Variants in HMBOX1 observed in about 807,000 individuals in gnomAD.
HMBOX1 encodes the protein homeobox containing 1, also known as homeobox-containing protein 1.
A neutral mutation model predicts 54.5 loss-of-function variants in HMBOX1; 14 were observed. The observed-to-expected ratio is 0.26, with a 90% CI of 0.17 to 0.40. The LOEUF (loss-of-function observed/expected upper bound fraction) is 0.40. HMBOX1 is among the 10% of genes least tolerant of loss of function. The pLI, the probability that HMBOX1 is intolerant of heterozygous loss-of-function variation, is 1.00. For missense variants in HMBOX1, 332 were observed against 514.4 expected (o/e 0.65, Z 3.43); for synonymous variants, 160 against 181.0 (o/e 0.88, Z 0.93).
chr8:28,948,132 G>A (rs2137471), intron 1 of HMBOX1, among the ~76,000 whole-genome samples: 97,392 of 152,020 alleles, frequency 0.64, 31,391 homozygotes, highest in East Asian at 0.75. Context: ...TATTTTCTCA[G>A]TAAGACTTTC....
chr8:28,956,202 A>G (rs1824404234), intron 1 of HMBOX1, among the ~76,000 whole-genome samples: 3 of 152,114 alleles, frequency 2.0e-5, no homozygotes, highest in Admixed American at 1.3e-4. Flanking sequence ...GTGATATCTC[A>G]TTGTTAAACT....
intron 3 of HMBOX1, among the ~76,000 whole-genome samples, chr8:28,978,836 C>A (rs1828877484): frequency 1.4e-5 from 2 of 142,922 alleles, no homozygotes; most frequent in African/African-American, 5.2e-5. Context: ...ATATACAAGA[C>A]AGAAAACAAA....
At chr8:28,941,469 TC>T (rs1821408567) in intron 1 of HMBOX1, among the ~76,000 whole-genome samples, 1 of 152,248 alleles carries the variant, frequency 6.6e-6, no homozygotes, top group South Asian at 2.1e-4. Context: ...TTCTAATTTT[TC>T]TTCTTTTTAA....
Position 28,970,241 on chromosome 8 carries a change from T to G in HMBOX1, c.222T>G (p.Asn74Lys). 6.2e-7 allele frequency: 1 copy of G among 1,614,156 alleles called. No homozygotes were observed. The change falls in exon 3 of 10, where the codon AAT becomes AAG. Residue 74 changes from asparagine to lysine, a missense_variant. Around this residue, in one of 4 missense-constraint regions of HMBOX1, gnomAD observed 146 missense variants for 173.3 expected, o/e 0.84. Transcript: ENST00000287701. The surrounding 1 kb of genome is among the most constrained non-coding windows in gnomAD (Gnocchi z 4.3). ...RSSYGGSSYG[N>K]STNNVPASSS... ...GCTATGGAGGAAGTTCATATGGGAATAGTACTAACAATGTCCCAGCATCTT... is the reference window on the plus strand; with the variant it reads ...GCTATGGAGGAAGTTCATATGGGAAGAGTACTAACAATGTCCCAGCATCTT...
In HMBOX1 at chr8:29,002,001, T is replaced by G. The variant is rs142844025; in HGVS notation, c.587-7071T>G. Among the ~76,000 whole-genome samples the G allele has an allele frequency of 1.4e-4, 21 of 152,372 alleles. No individual in the cohort carries two copies. In the East Asian group the frequency reaches 4.0e-3, roughly 29 times the overall value. On this transcript the variant is annotated intron_variant, in intron 4 of 9. Transcript: ENST00000287701. ...AGTGTAAGGATGTGTCTTAGTTATC[T>G]GTTGCAACATTAAGAACTTAGCATC... is the stretch of plus-strand genomic sequence containing the variant.
chr8:28,963,655 A>G (rs1026919191), intron 1 of HMBOX1, among the ~76,000 whole-genome samples, 156 bp from the exon 2 acceptor site: 3 of 152,254 alleles, frequency 2.0e-5, no homozygotes, highest in African/African-American at 7.2e-5. Flanking sequence ...ATCAAAGTGT[A>G]TGGTGAATAA....
At position 29,052,223 on chromosome 8, in the gene HMBOX1, T is replaced by C. The variant is rs967549743; in HGVS notation, c.*1068T>C. On this transcript the variant is annotated 3_prime_UTR_variant, in exon 10 of 10. Transcript: ENST00000287701. ...AGAGGACTTCATAGTGGGGTTGTGC[T>C]GCTTATCACAGATGCAGACACTTGC... The C allele has an allele frequency of 6.6e-6, 1 of 152,478 alleles. No homozygotes were observed. Among genetic ancestry groups the C allele is most frequent in the Non-Finnish European group, 1.5e-5 (1 of 68,194 alleles). 9.4% of individuals were successfully genotyped at this position (152,478 alleles called of 1,614,324 possible).
intron 1 of HMBOX1, among the ~76,000 whole-genome samples, chr8:28,904,491 C>T (rs906341289): frequency 7.9e-5 from 12 of 152,088 alleles, no homozygotes; most frequent in Non-Finnish European, 1.3e-4. Flanking sequence ...TAGGCCTCCC[C>T]GAGTGCTGGG....
intron 8 of HMBOX1, chr8:29,048,447 G>A (rs1330257998): frequency 6.6e-6 from 1 of 152,178 alleles, no homozygotes; most frequent in Non-Finnish European, 1.5e-5. Context: ...TAATAAATAA[G>A]AATAAGAAAT....
chr8:29,014,758 C>A (rs1310906153), intron 5 of HMBOX1, among the ~76,000 whole-genome samples: 2 of 152,128 alleles, frequency 1.3e-5, no homozygotes, highest in African/African-American at 2.4e-5. Flanking sequence ...TGGCTCACTG[C>A]AACCTCTGCC....
chr8:29,046,441 G>A (rs192098513), intron 7 of HMBOX1: 101 of 152,316 alleles, frequency 6.6e-4, no homozygotes, highest in African/African-American at 2.2e-3. Flanking sequence ...TTACAGGGGG[G>A]TCTGTATTGG....
chr8:29,027,763 G>T (rs1485569787), intron 6 of HMBOX1, among the ~76,000 whole-genome samples: 1 of 152,136 alleles, frequency 6.6e-6, no homozygotes, highest in Non-Finnish European at 1.5e-5. Flanking sequence ...AAATTTGTGT[G>T]GAAAGGTTAC....
At chr8:29,010,141 A>C (rs1385547839) in intron 5 of HMBOX1, 2 of 977,580 alleles carry the variant, frequency 2.0e-6, no homozygotes, top group Non-Finnish European at 2.4e-6. Flanking sequence ...GAACCTATCA[A>C]CCTCTACAAT....
At chr8:28,892,654 T>A (rs1025273050) in intron 1 of HMBOX1, among the ~76,000 whole-genome samples, 6 of 152,170 alleles carry the variant, frequency 3.9e-5, no homozygotes, top group African/African-American at 1.2e-4. Context: ...AACCATTGAT[T>A]TAAAATTTTT....
chr8:28,890,815 G>C (rs1810742257), intron 1 of HMBOX1, 137 bp downstream of exon 1: 1 of 152,466 alleles, frequency 6.6e-6, no homozygotes, highest in Non-Finnish European at 1.5e-5. Flanking sequence ...TAAGCGGCCG[G>C]ATTGAGAGGA....
intron 1 of HMBOX1, among the ~76,000 whole-genome samples, chr8:28,902,043 A>AT (rs1241881716): frequency 6.6e-6 from 1 of 152,132 alleles, no homozygotes; most frequent in Admixed American, 6.5e-5. Context: ...CATTATTGTA[A>AT]TTTTTTGTAT....
intron 1 of HMBOX1, among the ~76,000 whole-genome samples, chr8:28,938,462 A>G (rs1034479773): frequency 2.0e-5 from 3 of 152,166 alleles, no homozygotes; most frequent in African/African-American, 4.8e-5. Flanking sequence ...TTTAAGAGAC[A>G]GGGTCTTGCT....
chr8:28,961,749 C>G (rs973552190), intron 1 of HMBOX1, among the ~76,000 whole-genome samples: 1 of 152,082 alleles, frequency 6.6e-6, no homozygotes, highest in African/African-American at 2.4e-5. Context: ...TTTTGAGGAA[C>G]TGCCATACTG....
chr8:28,988,639 G>A (rs1458447150), intron 4 of HMBOX1, among the ~76,000 whole-genome samples: 1 of 152,138 alleles, frequency 6.6e-6, no homozygotes, highest in Non-Finnish European at 1.5e-5. Flanking sequence ...CAGTTATAAT[G>A]ATCTCTCACT....
Sources: gnomAD v4.1 joint callset for allele counts (sites outside exome capture counted in the v4.1 genomes callset) on GRCh38, gnomAD v4.1.1 for gene constraint, gnomAD v4.1.1 regional missense constraint, Gnocchi (gnomAD v3.1) non-coding constraint, MANE v1.5 for transcripts, NCBI Gene and HGNC (gene_info 2026-07-23, HGNC 2026-07-21) for gene names.